Variants in CDON observed in about 807,000 individuals in gnomAD.
CDON encodes the protein cell adhesion associated, oncogene regulated, also known as cell adhesion molecule-related/down-regulated by oncogenes.
In CDON, 73 loss-of-function variants were observed where a neutral mutation model predicts 120.9. That is an observed-to-expected ratio of 0.60 (90% confidence interval 0.50 to 0.73). CDON has a LOEUF of 0.73. Ranked by LOEUF, CDON falls within the 30% of genes least tolerant of loss-of-function variation. The pLI is 0.00. For missense variants in CDON, 1,470 were observed against 1,587.3 expected (o/e 0.93, Z 1.26); for synonymous variants, 566 against 573.5 (o/e 0.99, Z 0.19).
Position 125,981,405 on chromosome 11 carries a change from T to TGCACATACGCACACACGCAC in CDON, c.2996-77_2996-76insGTGCGTGTGTGCGTATGTGC, listed in dbSNP as rs1565501313. ...ACACATGCACATACGCACACACGCA[T>TGCACATACGCACACACGCAC]GCACACATGCACATACGCACACACG... On this transcript the variant is annotated intron_variant, in intron 16 of 19. Coordinates refer to ENST00000531738, the MANE Select transcript of CDON (RefSeq NM_001378964.1). 4 of 1,465,716 alleles carry TGCACATACGCACACACGCAC rather than the reference T, an allele frequency of 2.7e-6. No individual in the cohort carries two copies. In the African/African-American group the frequency reaches 5.6e-5, roughly 21 times the overall value. 90.8% of individuals were successfully genotyped at this position (1,465,716 alleles called of 1,614,324 possible).
rs531807157 is a variant in CDON at position 126,030,664 on chromosome 11, T to A, written c.-61-7127A>T. On this transcript the variant is annotated intron_variant, in intron 1 of 19. Coordinates refer to ENST00000531738, the MANE Select transcript of CDON (RefSeq NM_001378964.1). ...ATGCTATTGATCAGCTAAGAAAAAATTATTTTCAGAACTACAAAGAAAAAC... is the reference window on the plus strand; with the variant it reads ...ATGCTATTGATCAGCTAAGAAAAAAATATTTTCAGAACTACAAAGAAAAAC... Among the ~76,000 whole-genome samples the A allele has an allele frequency of 2.0e-5, 3 of 152,218 alleles. No individual in the cohort carries two copies. The South Asian group carries it at 6.2e-4, about 32-fold the overall frequency.
At chr11:125,995,178 A>G (rs1946746816) in intron 12 of CDON, 126 bp from the exon 13 acceptor site, 7 of 775,334 alleles carry the variant, frequency 9.0e-6, no homozygotes, top group South Asian at 2.9e-5. Flanking sequence ...TATCTATACT[A>G]AAGTATCTAA....
intron 12 of CDON, among the ~76,000 whole-genome samples, chr11:125,996,802 T>C (rs1304122113): frequency 6.6e-6 from 1 of 152,128 alleles, no homozygotes; most frequent in Non-Finnish European, 1.5e-5. Flanking sequence ...TTCTCTTCTT[T>C]ATATTTTCTT....
intron 1 of CDON, among the ~76,000 whole-genome samples, chr11:126,056,772 A>G (rs1305791384): frequency 6.6e-6 from 1 of 152,246 alleles, no homozygotes; most frequent in Non-Finnish European, 1.5e-5. Context: ...GTTAGTGGCC[A>G]AAACTCTTCT....
intron 1 of CDON, among the ~76,000 whole-genome samples, chr11:126,059,179 A>T (rs892281019): frequency 2.0e-5 from 3 of 152,252 alleles, no homozygotes; most frequent in Non-Finnish European, 4.4e-5. Flanking sequence ...AGGCAAGACC[A>T]AACAGTAAGA....
In CDON at chr11:126,004,080, C is replaced by T. The variant is rs528444588; in HGVS notation, c.1852-4G>A. 6 of 1,613,590 alleles carry T rather than the reference C, an allele frequency of 3.7e-6. No individual in the cohort carries two copies. The highest frequency in any genetic ancestry group is 1.7e-5 in the Admixed American group (1 of 59,980). On this transcript the variant is annotated splice_polypyrimidine_tract_variant and splice_region_variant and intron_variant, in intron 9 of 19. Transcript: ENST00000531738. ...GCATGCCAACCCCATCATCCAGCTG[C>T]CCAAGAGAAAACACACCAGAAAAGA...
chr11:125,960,911 A>G lies in CDON; in HGVS notation c.*31T>C. ...CTGTTGTGTGCAGTTACCGGCTTGA[A>G]GTTGGAACATGACTGGTTGTTTGCA... On this transcript the variant is annotated 3_prime_UTR_variant, in exon 20 of 20. Transcript: ENST00000531738. 6.2e-7 allele frequency: 1 copy of G among 1,611,290 alleles called. No individual in the cohort carries two copies. The highest frequency in any genetic ancestry group is 8.5e-7 in the Non-Finnish European group (1 of 1,178,074).
At chr11:126,004,778 C>G (rs974891026) in intron 9 of CDON, among the ~76,000 whole-genome samples, 1 of 152,062 alleles carries the variant, frequency 6.6e-6, no homozygotes, top group African/African-American at 2.4e-5. Context: ...AAAAACATTA[C>G]CATTCAACAA....
intron 18 of CDON, 99 bp from the exon 19 acceptor site, chr11:125,962,097 G>A: frequency 1.1e-6 from 1 of 922,204 alleles, no homozygotes; most frequent in Non-Finnish European, 1.8e-6. Flanking sequence ...TGTATTCACA[G>A]ACTCTTAAGA....
chr11:125,957,736 C>T lies in CDON; in HGVS notation c.*3206G>A, dbSNP rs1368692457. ...GATGGATGCATTGAGTCTTCATAGA[C>T]TCATTCGACAAAAACACCCAGAAAG... On this transcript the variant is annotated 3_prime_UTR_variant, in exon 20 of 20. Transcript: ENST00000531738. The T allele has an allele frequency of 2.0e-5, 3 of 152,172 alleles. No homozygotes were observed. The highest frequency in any genetic ancestry group is 4.8e-5 in the African/African-American group (2 of 41,440). The allele number at this position is 152,172 out of a possible 1,614,324, so 9.4% of individuals were successfully genotyped here. A position where few individuals can be genotyped will look rare whatever the true frequency, so the allele number is the denominator to read the frequency against.
intron 4 of CDON, among the ~76,000 whole-genome samples, chr11:126,018,850 G>A (rs866315081): frequency 2.6e-5 from 4 of 152,180 alleles, no homozygotes; most frequent in Admixed American, 6.5e-5. Context: ...GATTATAGGC[G>A]TGAGCCACCG....
At chr11:126,054,306 A>T (rs768437366) in intron 1 of CDON, among the ~76,000 whole-genome samples, 22 of 152,246 alleles carry the variant, frequency 1.4e-4, no homozygotes, top group Non-Finnish European at 2.6e-4. Flanking sequence ...ACATGACATC[A>T]GCTCTCTGGG....
intron 12 of CDON, 102 bp from the exon 13 acceptor site, chr11:125,995,154 T>C (rs2134526759): frequency 1.1e-6 from 1 of 935,210 alleles, no homozygotes; most frequent in Non-Finnish European, 1.7e-6. Flanking sequence ...ATATGGCAAT[T>C]GTGCTGAAGT....
At chr11:126,041,103 C>G (rs1948250020) in intron 1 of CDON, among the ~76,000 whole-genome samples, 1 of 149,300 alleles carries the variant, frequency 6.7e-6, no homozygotes, top group Non-Finnish European at 1.5e-5. Flanking sequence ...GCAGGAGAAT[C>G]ACTTGAACCT....
rs149610122 is a variant in CDON at position 126,007,947 on chromosome 11, G to A, written c.1553-1890C>T. On this transcript the variant is annotated intron_variant, in intron 8 of 19. Coordinates refer to ENST00000531738, the MANE Select transcript of CDON (RefSeq NM_001378964.1). The stretch of plus-strand genomic sequence containing the variant: ...CATCTAGCATCTTTTAAGGTAGAAT[G>A]TTTTTTGAATCGGAAAAGAGATTGA... Among the ~76,000 whole-genome samples the A allele has an allele frequency of 7.6e-3, 1,157 of 152,240 alleles. 12 individuals carry two copies. The highest frequency in any genetic ancestry group is 0.026 in the African/African-American group (1,090 of 41,554).
chr11:126,049,734 G>C (rs973073368), intron 1 of CDON, among the ~76,000 whole-genome samples: 9 of 152,150 alleles, frequency 5.9e-5, no homozygotes, highest in African/African-American at 2.2e-4. Flanking sequence ...AATTCATGTT[G>C]TAACACATCC....
chr11:126,001,673 G>T (rs1946947980), intron 11 of CDON, 46 bp downstream of exon 11: 3 of 1,575,122 alleles, frequency 1.9e-6, no homozygotes, highest in Non-Finnish European at 2.6e-6. Flanking sequence ...ATCTGAAGCA[G>T]GTCAGTTATA....
At position 125,977,150 on chromosome 11, in the gene CDON, T is replaced by C. The variant is rs114684708; in HGVS notation, c.3356+1154A>G. Among the ~76,000 whole-genome samples, 611 of 152,356 alleles carry C rather than the reference T, an allele frequency of 4.0e-3. 5 individuals carry two copies. The highest frequency in any genetic ancestry group is 0.013 in the African/African-American group (528 of 41,582). On this transcript the variant is annotated intron_variant, in intron 18 of 19. Transcript: ENST00000531738. ...AAAAGCTCAAGACAAAAATGTGGTTTCAATGTTATGAACATTTGCAAAACC... is the reference window on the plus strand; with the variant it reads ...AAAAGCTCAAGACAAAAATGTGGTTCCAATGTTATGAACATTTGCAAAACC...
chr11:126,042,916 C>A (rs1301762169), intron 1 of CDON, among the ~76,000 whole-genome samples: 1 of 152,208 alleles, frequency 6.6e-6, no homozygotes, highest in Non-Finnish European at 1.5e-5. Flanking sequence ...AGCCACCTCG[C>A]CTGGCCGATT....
Sources: gnomAD v4.1 joint callset for allele counts (sites outside exome capture counted in the v4.1 genomes callset) on GRCh38, gnomAD v4.1.1 for gene constraint, MANE v1.5 for transcripts, NCBI Gene and HGNC (gene_info 2026-07-23, HGNC 2026-07-21) for gene names.